LRP2: variants seen among roughly 807,000 people sequenced by gnomAD.
The protein encoded by LRP2 is low-density lipoprotein receptor-related protein 2.
LRP2 carries 172 observed loss-of-function variants against 531.0 expected under a neutral mutation model. The ratio of observed to expected loss-of-function variants is 0.32; its 90% CI spans 0.29 to 0.37. LRP2 has a LOEUF of 0.37. LRP2 is among the 10% of genes least tolerant of loss of function. LRP2 has a pLI of 1.00. For synonymous variants in LRP2, 1,992 were observed against 2,027.6 expected (o/e 0.98, Z 0.47); for missense variants, 5,167 against 5,868.3 (o/e 0.88, Z 3.90).
chr2:169,135,423 G>T (rs961679199), intron 76 of LRP2, among the ~76,000 whole-genome samples: 1 of 152,124 alleles, frequency 6.6e-6, no homozygotes, highest in African/African-American at 2.4e-5. Context: ...AGTCCACTGC[G>T]GTCATTTCTT....
intron 40 of LRP2, 50 bp from the exon 41 acceptor site, chr2:169,205,687 C>T: frequency 6.6e-7 from 1 of 1,507,352 alleles, no homozygotes. Context: ...ACCTCATAGT[C>T]CTTTAAAAAA....
chr2:169,297,942 T>A (rs1204448825), intron 4 of LRP2, among the ~76,000 whole-genome samples: 1 of 151,292 alleles, frequency 6.6e-6, no homozygotes, highest in Non-Finnish European at 1.5e-5. Context: ...ATCTTAAAAG[T>A]AGGTTAGGAA....
chr2:169,293,426 A>G (rs1228803883), intron 6 of LRP2, among the ~76,000 whole-genome samples: 2 of 152,188 alleles, frequency 1.3e-5, no homozygotes, highest in African/African-American at 4.8e-5. Flanking sequence ...CCATAATACC[A>G]GCACTTTGGG....
intron 53 of LRP2, 108 bp downstream of exon 53, chr2:169,177,695 A>C: frequency 1.1e-6 from 1 of 941,184 alleles, no homozygotes; most frequent in South Asian, 1.3e-5. Flanking sequence ...AGAAAACACT[A>C]ACAAGTGCAA....
Position 169,202,816 on chromosome 2 carries a change from A to T in LRP2, c.8149T>A (p.Trp2717Arg). 6.2e-7 allele frequency: 1 copy of T among 1,613,290 alleles called. No individual in the cohort carries two copies. The highest frequency in any genetic ancestry group is 8.5e-7 in the Non-Finnish European group (1 of 1,179,848). The change falls in exon 43 of 79, where the codon TGG (tryptophan) becomes AGG (arginine). Residue 2717 changes from tryptophan to arginine, a missense_variant. Transcript: ENST00000649046. The stretch of plus-strand genomic sequence containing the variant: ...CAGTCGTTGTCATTATCACACTTCC[A>T]CTCTTCCGAGATGCAGCGCCCATTG... ...CSNGRCISEE[W>R]KCDNDNDCGD... is the part of the protein sequence containing the mutation.
chr2:169,186,559 T>A (rs1035217936), intron 49 of LRP2, among the ~76,000 whole-genome samples: 1 of 152,244 alleles, frequency 6.6e-6, no homozygotes, highest in Non-Finnish European at 1.5e-5. Flanking sequence ...TTCTTATTAG[T>A]TCTCTACTCA....
chr2:169,347,317 C>G (rs1012581987), intron 1 of LRP2, among the ~76,000 whole-genome samples: 1 of 152,220 alleles, frequency 6.6e-6, no homozygotes, highest in Non-Finnish European at 1.5e-5. Context: ...GACCAAGAGA[C>G]CTTTAAGCAC....
intron 41 of LRP2, 128 bp from the exon 42 acceptor site, chr2:169,204,399 A>G: frequency 2.3e-6 from 2 of 853,700 alleles, no homozygotes; most frequent in Non-Finnish European, 3.9e-6. Flanking sequence ...AATGGGGCAT[A>G]TGGCAGCTGG....
At chr2:169,199,414 A>G (rs1688112787) in intron 44 of LRP2, among the ~76,000 whole-genome samples, 1 of 152,196 alleles carries the variant, frequency 6.6e-6, no homozygotes, top group Admixed American at 6.5e-5. Context: ...AGATGCTTAT[A>G]TTAAAAACAA....
chr2:169,168,097 G>A (rs1193038448), intron 61 of LRP2, among the ~76,000 whole-genome samples: 1 of 140,710 alleles, frequency 7.1e-6, no homozygotes, highest in Non-Finnish European at 1.5e-5. Context: ...CATGTTAAAA[G>A]GAAGTGACTG....
At chr2:169,229,900 T>C (rs952325872) in intron 31 of LRP2, among the ~76,000 whole-genome samples, 9 of 152,174 alleles carry the variant, frequency 5.9e-5, no homozygotes, top group Middle Eastern at 3.2e-3. Flanking sequence ...TCAAGTAAAA[T>C]GTTTCCACCT....
chr2:169,339,597 A>C (rs1685508124), intron 1 of LRP2, among the ~76,000 whole-genome samples: 1 of 152,206 alleles, frequency 6.6e-6, no homozygotes, highest in African/African-American at 2.4e-5. Context: ...ACTAAATAAC[A>C]CTAACCAGTT....
At chr2:169,345,182 T>C (rs773888404) in intron 1 of LRP2, among the ~76,000 whole-genome samples, 5 of 152,160 alleles carry the variant, frequency 3.3e-5, no homozygotes, top group African/African-American at 4.8e-5. Flanking sequence ...AAATAAAAAA[T>C]AAACCTCTGT....
At chr2:169,167,007 A>G (rs899411261) in intron 61 of LRP2, among the ~76,000 whole-genome samples, 2 of 152,166 alleles carry the variant, frequency 1.3e-5, no homozygotes, top group Non-Finnish European at 2.9e-5. Context: ...TGTTAATAGA[A>G]CTATTGCAAT....
At chr2:169,275,983 T>C (rs756168466) in intron 13 of LRP2, among the ~76,000 whole-genome samples, 6 of 151,934 alleles carry the variant, frequency 3.9e-5, no homozygotes, top group Admixed American at 6.6e-5. Context: ...ACGGTTGATA[T>C]GGGAAAACTC....
chr2:169,211,892 A>G, intron 37 of LRP2, 76 bp downstream of exon 37: 27 of 1,579,616 alleles, frequency 1.7e-5, no homozygotes, highest in Non-Finnish European at 2.3e-5. Context: ...CACATGAAGA[A>G]ATGTTTTCAT....
At chr2:169,240,644 G>A in intron 25 of LRP2, 1 of 477,696 alleles carries the variant, frequency 2.1e-6, no homozygotes, top group Non-Finnish European at 3.7e-6. Context: ...GATAAGTTCT[G>A]ATTGAAATTA....
chr2:169,329,267 G>T (rs751006331), intron 1 of LRP2, among the ~76,000 whole-genome samples: 4 of 152,164 alleles, frequency 2.6e-5, no homozygotes, highest in Admixed American at 6.5e-5. Context: ...GACAGGCCAG[G>T]CGTGATCACT....
In LRP2 at chr2:169,259,146, G is replaced by C; in HGVS notation, c.2392C>G (p.Leu798Val). Residue 798 changes from leucine (L) to valine (V), a missense_variant, in exon 17 of 79, where the codon CTC becomes GTC. Coordinates refer to ENST00000649046, the MANE Select transcript of LRP2 (RefSeq NM_004525.3). ...TTGTAATGAGAGTCTGTCCAATAGA[G>C]ATTCTTTGAAATCCAATCAAAAGCC... ...SLAFDWISKNLYWTDSHYKSI... is the reference protein window; with the variant it reads ...SLAFDWISKNVYWTDSHYKSI... 2 of 1,613,318 alleles carry C rather than the reference G, an allele frequency of 1.2e-6. No individual in the cohort carries two copies. Among genetic ancestry groups the C allele is most frequent in the South Asian group, 1.1e-5 (1 of 91,054 alleles).
Sources: gnomAD v4.1 joint callset for allele counts (sites outside exome capture counted in the v4.1 genomes callset) on GRCh38, gnomAD v4.1.1 for gene constraint, MANE v1.5 for transcripts, NCBI Gene and HGNC (gene_info 2026-07-23, HGNC 2026-07-21) for gene names.